The following HMBOX1 variants were observed in gnomAD, a reference collection of about 807,000 sequenced individuals.
The protein encoded by HMBOX1 is homeobox-containing protein 1.
Under a neutral mutation model 54.5 loss-of-function variants are expected in HMBOX1, and 14 were observed. The observed-to-expected ratio is 0.26, with a 90% confidence interval of 0.17 to 0.40. The LOEUF is 0.40. Among genes scored for constraint, HMBOX1 ranks in the 10% least tolerant of loss-of-function variants. The pLI, the probability that HMBOX1 is intolerant of heterozygous loss-of-function variation, is 1.00. For synonymous variants in HMBOX1, 160 were observed against 181.0 expected (o/e 0.88, Z 0.93); for missense variants, 332 against 514.4 (o/e 0.65, Z 3.43).
At chr8:29,026,209 C>T (rs1055395690) in intron 6 of HMBOX1, among the ~76,000 whole-genome samples, 1 of 152,026 alleles carries the variant, frequency 6.6e-6, no homozygotes, top group African/African-American at 2.4e-5. Flanking sequence ...CTGTGTATTC[C>T]ACATATTTGA....
At chr8:29,042,303 G>A (rs1804952500) in intron 6 of HMBOX1, among the ~76,000 whole-genome samples, 1 of 152,190 alleles carries the variant, frequency 6.6e-6, no homozygotes, top group Non-Finnish European at 1.5e-5. Context: ...TTGAAGAGGA[G>A]GAGAATGCAT....
chr8:29,036,869 A>C (rs79675891), intron 6 of HMBOX1, among the ~76,000 whole-genome samples: 2,970 of 152,290 alleles, frequency 0.02, 94 homozygotes, highest in African/African-American at 0.068. Context: ...CCCCTGCAAA[A>C]TAAAGAAGCT....
intron 9 of HMBOX1, 81 bp downstream of exon 9, chr8:29,049,129 C>G: frequency 6.8e-7 from 1 of 1,468,604 alleles, no homozygotes; most frequent in Non-Finnish European, 9.5e-7. Flanking sequence ...TTGGGTGTGG[C>G]TGATGGGGTG....
At chr8:28,953,953 A>T (rs1823963641) in intron 1 of HMBOX1, among the ~76,000 whole-genome samples, 1 of 152,204 alleles carries the variant, frequency 6.6e-6, no homozygotes, top group Admixed American at 6.5e-5. Flanking sequence ...GTAAGGATTC[A>T]CAGGAAACTG....
chr8:28,914,143 C>G (rs1343547036), intron 1 of HMBOX1, among the ~76,000 whole-genome samples: 1 of 152,154 alleles, frequency 6.6e-6, no homozygotes, highest in Non-Finnish European at 1.5e-5. Context: ...GCTGGGATTA[C>G]AGGCGTGAGC....
intron 3 of HMBOX1, among the ~76,000 whole-genome samples, chr8:28,972,665 C>T (rs369369883): frequency 5.3e-5 from 8 of 152,126 alleles, no homozygotes; most frequent in African/African-American, 1.9e-4. Context: ...TTTGACATAA[C>T]AGTTAATTCT....
At chr8:28,933,367 T>C (rs1453333039) in intron 1 of HMBOX1, among the ~76,000 whole-genome samples, 2 of 152,158 alleles carry the variant, frequency 1.3e-5, no homozygotes, top group Admixed American at 6.6e-5. Flanking sequence ...CTAAATAGAC[T>C]GCCAAATAAG....
At chr8:28,987,164 C>T (rs1331828320) in intron 4 of HMBOX1, among the ~76,000 whole-genome samples, 1 of 152,088 alleles carries the variant, frequency 6.6e-6, no homozygotes, top group Non-Finnish European at 1.5e-5. Context: ...AAAATGATAT[C>T]CTACCACAAG....
chr8:28,931,022 G>A (rs906031104), intron 1 of HMBOX1, among the ~76,000 whole-genome samples: 3 of 152,078 alleles, frequency 2.0e-5, no homozygotes, highest in Middle Eastern at 3.2e-3. Context: ...AAATCATTTT[G>A]GGAATGATTT....
At chr8:28,928,724 A>G (rs1483888380) in intron 1 of HMBOX1, among the ~76,000 whole-genome samples, 1 of 152,264 alleles carries the variant, frequency 6.6e-6, no homozygotes, top group Non-Finnish European at 1.5e-5. Flanking sequence ...GAAAATAAGG[A>G]TAACTTTCTA....
At chr8:28,947,664 A>G (rs1426191576) in intron 1 of HMBOX1, among the ~76,000 whole-genome samples, 4 of 152,194 alleles carry the variant, frequency 2.6e-5, no homozygotes, top group Non-Finnish European at 5.9e-5. Flanking sequence ...GTTAAATTGG[A>G]TTATCCCTAC....
At chr8:29,014,481 T>C (rs182702094) in intron 5 of HMBOX1, among the ~76,000 whole-genome samples, 109 of 152,320 alleles carry the variant, frequency 7.2e-4, no homozygotes, top group African/African-American at 2.5e-3. Context: ...TGAACTAAGG[T>C]TTCCAGAACA....
At chr8:28,955,970 A>AAGAG (rs1554543218) in intron 1 of HMBOX1, 1 of 140,726 alleles carries the variant, frequency 7.1e-6, no homozygotes, top group East Asian at 2.1e-4. Context: ...AAAAAAAAAA[A>AAGAG]AAATTGGAAA....
chr8:29,045,678 A>G (rs1219918627), intron 7 of HMBOX1, among the ~76,000 whole-genome samples: 1 of 152,232 alleles, frequency 6.6e-6, no homozygotes, highest in Non-Finnish European at 1.5e-5. Flanking sequence ...GTGACCCTAC[A>G]TGAGATATGA....
chr8:28,989,287 A>G (rs1830612781), intron 4 of HMBOX1, among the ~76,000 whole-genome samples: 1 of 152,122 alleles, frequency 6.6e-6, no homozygotes, highest in African/African-American at 2.4e-5. Context: ...AAAAAAAAAA[A>G]GAAAATTTTG....
intron 1 of HMBOX1, among the ~76,000 whole-genome samples, chr8:28,910,635 T>C (rs1815233242): frequency 6.6e-6 from 1 of 152,230 alleles, no homozygotes; most frequent in Admixed American, 6.5e-5. Flanking sequence ...ATGTTGAGCA[T>C]GTTTTCATGT....
chr8:29,035,135 A>G (rs1168608415), intron 6 of HMBOX1, among the ~76,000 whole-genome samples: 3 of 152,160 alleles, frequency 2.0e-5, no homozygotes, highest in African/African-American at 7.2e-5. Flanking sequence ...GAGAGAAAGA[A>G]TTTGGATTGA....
At chr8:29,017,834 G>C (rs1186247009) in intron 5 of HMBOX1, among the ~76,000 whole-genome samples, 3 of 152,178 alleles carry the variant, frequency 2.0e-5, no homozygotes, top group Non-Finnish European at 4.4e-5. Context: ...GTACAATAAA[G>C]AGAGTATTAA....
intron 1 of HMBOX1, among the ~76,000 whole-genome samples, chr8:28,920,164 C>G (rs1040494517): frequency 6.6e-6 from 1 of 152,068 alleles, no homozygotes; most frequent in African/African-American, 2.4e-5. Context: ...ATATGTTAAC[C>G]TTTTATTTAT....
Sources: allele counts gnomAD v4.1 joint callset (sites outside exome capture counted in the v4.1 genomes callset), GRCh38; gene constraint gnomAD v4.1.1; transcripts MANE v1.5; gene names NCBI Gene and HGNC (gene_info 2026-07-23, HGNC 2026-07-21).